FAM13B: variants seen among roughly 807,000 people sequenced by gnomAD.
The protein encoded by FAM13B is protein FAM13B.
FAM13B carries 60 observed loss-of-function variants against 117.3 expected under a neutral mutation model. That is an observed-to-expected ratio of 0.51 (90% CI 0.42 to 0.63). FAM13B has a LOEUF of 0.63. FAM13B is among the 30% of genes least tolerant of loss of function. The pLI is 0.00. For missense variants in FAM13B, 972 were observed against 1,091.9 expected (o/e 0.89, Z 1.55); for synonymous variants, 332 against 356.1 (o/e 0.93, Z 0.76).
At chr5:137,968,478 C>A (rs558637621) in intron 10 of FAM13B, among the ~76,000 whole-genome samples, 17 of 151,796 alleles carry the variant, frequency 1.1e-4, no homozygotes, top group African/African-American at 4.1e-4. Context: ...TTAATTTCAG[C>A]CTGGCTAACC....
chr5:137,987,731 A>C, intron 8 of FAM13B, 115 bp from the exon 9 acceptor site: 1 of 895,204 alleles, frequency 1.1e-6, no homozygotes, highest in Non-Finnish European at 1.6e-6. Flanking sequence ...TAAATGGGTA[A>C]ACCAAAGTGT....
At chr5:138,003,239 A>G (rs1781722601) in intron 7 of FAM13B, among the ~76,000 whole-genome samples, 1 of 152,192 alleles carries the variant, frequency 6.6e-6, no homozygotes, top group Non-Finnish European at 1.5e-5. Flanking sequence ...TAAATTGACC[A>G]CAGTCTAGAA....
At chr5:137,958,848 T>C (rs371797208) in intron 13 of FAM13B, among the ~76,000 whole-genome samples, 14 of 152,346 alleles carry the variant, frequency 9.2e-5, no homozygotes, top group African/African-American at 3.4e-4. Flanking sequence ...TTATAACATT[T>C]ATCCATCCCA....
intron 20 of FAM13B, among the ~76,000 whole-genome samples, chr5:137,945,696 G>T (rs558701079): frequency 6.6e-6 from 1 of 152,258 alleles, no homozygotes; most frequent in East Asian, 1.9e-4. Flanking sequence ...AATGACATAA[G>T]CATACATAAA....
At chr5:137,978,946 T>C (rs888216356) in intron 10 of FAM13B, among the ~76,000 whole-genome samples, 4 of 151,988 alleles carry the variant, frequency 2.6e-5, no homozygotes, top group Admixed American at 1.3e-4. Flanking sequence ...TGCACCTAAA[T>C]CTTAATCATT....
At position 137,970,544 on chromosome 5, in the gene FAM13B, T is replaced by G. The variant is rs150242516; in HGVS notation, c.1180-8075A>C. On this transcript the variant is annotated intron_variant, in intron 10 of 23. Coordinates refer to ENST00000689681, the MANE Select transcript of FAM13B (RefSeq NM_001385994.1). ...AAGACCATCGAGACTAGGAAGAAAC[T>G]GTGTCAATTAACAAGCAAAATAATG... is the stretch of plus-strand genomic sequence containing the variant. 1.2e-3 allele frequency among the ~76,000 whole-genome samples: 188 copies of G among 150,492 alleles called. 4 individuals carry two copies. The highest frequency in any genetic ancestry group is 0.01 in the Middle Eastern group (3 of 292).
chr5:137,964,392 A>G (rs143378293), intron 10 of FAM13B, among the ~76,000 whole-genome samples: 1 of 149,790 alleles, frequency 6.7e-6, no homozygotes, highest in African/African-American at 2.4e-5. Flanking sequence ...GATTACAGGC[A>G]TGAGCCACTG....
At chr5:138,019,423 A>T (rs905127211) in intron 2 of FAM13B, among the ~76,000 whole-genome samples, 1 of 152,220 alleles carries the variant, frequency 6.6e-6, no homozygotes, top group Non-Finnish European at 1.5e-5. Context: ...AGAGGCATTA[A>T]TGTCCCAAAG....
intron 10 of FAM13B, among the ~76,000 whole-genome samples, chr5:137,968,129 G>A (rs1271142065): frequency 3.3e-5 from 5 of 151,186 alleles, no homozygotes; most frequent in Admixed American, 6.6e-5. Context: ...GGCTGAGGCA[G>A]GAGAATCGCT....
intron 10 of FAM13B, among the ~76,000 whole-genome samples, chr5:137,964,110 A>G (rs535422523): frequency 1.3e-5 from 2 of 152,222 alleles, no homozygotes; most frequent in South Asian, 4.2e-4. Context: ...CATCCAGGCC[A>G]GAGTGAGGCT....
chr5:137,983,689 T>C (rs1776460875), intron 10 of FAM13B, among the ~76,000 whole-genome samples: 1 of 152,214 alleles, frequency 6.6e-6, no homozygotes, highest in African/African-American at 2.4e-5. Flanking sequence ...AAACTAACAG[T>C]GGCAGCTTAA....
At position 137,966,488 on chromosome 5, in the gene FAM13B, T is replaced by TATATAGAG. The variant is rs1461425784; in HGVS notation, c.1180-4020_1180-4019insCTCTATAT. On this transcript the variant is annotated intron_variant, in intron 10 of 23. Coordinates refer to ENST00000689681, the MANE Select transcript of FAM13B (RefSeq NM_001385994.1). Reference sequence around the variant, plus strand: ...ATATATATATATATATATATATATATAGAGAGAGAGAGAGAGAGAGAGAGA... The same window carrying TATATAGAG: ...ATATATATATATATATATATATATATATATAGAGAGAGAGAGAGAGAGAGAGAGAGAGA... 3.1e-3 allele frequency among the ~76,000 whole-genome samples: 91 copies of TATATAGAG among 29,464 alleles called. 1 individual carries two copies. The highest frequency in any genetic ancestry group is 5.7e-3 in the South Asian group (3 of 530). The allele number at this position is 29,464 out of a possible 152,430, so 19.3% of individuals were successfully genotyped here.
intron 23 of FAM13B, among the ~76,000 whole-genome samples, chr5:137,940,772 C>T (rs1761474130): frequency 1.3e-5 from 2 of 152,216 alleles, no homozygotes. Flanking sequence ...AATTTTCTAA[C>T]TTTATAGTAA....
intron 15 of FAM13B, 25 bp downstream of exon 15, chr5:137,954,141 T>C (rs1487874157): frequency 6.3e-7 from 1 of 1,581,772 alleles, no homozygotes; most frequent in Admixed American, 1.7e-5. Flanking sequence ...GAATTGCCTC[T>C]TGTAAGTACA....
intron 6 of FAM13B, among the ~76,000 whole-genome samples, chr5:138,008,289 A>G (rs1330739948): frequency 6.6e-6 from 1 of 152,102 alleles, no homozygotes; most frequent in Non-Finnish European, 1.5e-5. Context: ...AAAAAATACA[A>G]AAATTAGCCA....
chr5:137,952,591 A>T (rs760822764), intron 17 of FAM13B, 37 bp downstream of exon 17: 75 of 1,399,762 alleles, frequency 5.4e-5, no homozygotes, highest in Middle Eastern at 1.9e-4. Flanking sequence ...AAAAATTTTT[A>T]AAATGCAAAT....
At chr5:138,024,242 T>A (rs1322832099) in intron 1 of FAM13B, among the ~76,000 whole-genome samples, 1 of 151,990 alleles carries the variant, frequency 6.6e-6, no homozygotes, top group East Asian at 1.9e-4. Context: ...GAAATCATCC[T>A]AGATTTAGGG....
intron 10 of FAM13B, among the ~76,000 whole-genome samples, chr5:137,965,349 C>G (rs1348949670): frequency 6.6e-6 from 1 of 152,076 alleles, no homozygotes; most frequent in Non-Finnish European, 1.5e-5. Context: ...GCAGTGGCAG[C>G]AGCAGGAGGA....
At chr5:138,018,553 G>A (rs757434728) in intron 3 of FAM13B, 39 bp from the exon 4 acceptor site, 1 of 1,540,954 alleles carries the variant, frequency 6.5e-7, no homozygotes, top group Admixed American at 1.7e-5. Flanking sequence ...AAGCTGCAAT[G>A]TCAACTGCTT....
Sources: allele counts gnomAD v4.1 joint callset (sites outside exome capture counted in the v4.1 genomes callset), GRCh38; gene constraint gnomAD v4.1.1; transcripts MANE v1.5; gene names NCBI Gene and HGNC (gene_info 2026-07-23, HGNC 2026-07-21).